PRKCH: variants seen among roughly 807,000 people sequenced by gnomAD.
PRKCH encodes the protein protein kinase C eta.
In PRKCH, 28 loss-of-function variants were observed where a neutral mutation model predicts 82.5. That is an observed-to-expected ratio of 0.34 (90% confidence interval 0.25 to 0.47). The LOEUF is 0.47. Among genes scored for constraint, PRKCH ranks in the 20% least tolerant of loss-of-function variants. PRKCH has a pLI of 1.00. For missense variants in PRKCH, 705 were observed against 881.8 expected (o/e 0.80, Z 2.54); for synonymous variants, 322 against 327.4 (o/e 0.98, Z 0.18).
At chr14:61,454,083 T>A (rs1218945077) in intron 7 of PRKCH, among the ~76,000 whole-genome samples, 3 of 140,196 alleles carry the variant, frequency 2.1e-5, no homozygotes, top group Non-Finnish European at 4.4e-5. Context: ...TTTTTTCCTT[T>A]CTTTCCTTTT....
rs146233197 is a variant in PRKCH at position 61,226,655 on chromosome 14, A to G, written c.-19+38987A>G. ...TTATGTGGTTTCCACAAAGCATTGT[A>G]TTTGGCAGTGGTTGGGAGACAATGG... is the stretch of plus-strand genomic sequence containing the variant. On this transcript the variant is annotated intron_variant, in intron 1 of 3. Transcript: ENST00000555185. Among the ~76,000 whole-genome samples the G allele has an allele frequency of 2.0e-5, 3 of 152,332 alleles. No homozygotes were observed. The East Asian group carries it at 5.8e-4, about 29-fold the overall frequency.
chr14:61,452,984 A>C (rs2296275), intron 6 of PRKCH: 11,585 of 513,252 alleles, frequency 0.023, 768 homozygotes, highest in East Asian at 0.22. Flanking sequence ...ATCATGGTGG[A>C]AAAAATGTAT....
intron 1 of PRKCH, among the ~76,000 whole-genome samples, chr14:61,197,632 A>C (rs956076400): frequency 6.6e-6 from 1 of 152,210 alleles, no homozygotes; most frequent in African/African-American, 2.4e-5. Flanking sequence ...TCATCCATGA[A>C]TGAATTAATC....
Position 61,453,370 on chromosome 14 carries a change from T to C in PRKCH, c.960+17T>C, listed in dbSNP as rs945906590. ...CCAACCTCGGTGAGACTTTGCTTTT[T>C]TTCCATGTCTCGTAATTTAGAAGTT... On this transcript the variant is annotated intron_variant, in intron 7 of 13. Transcript: ENST00000332981. The C allele has an allele frequency of 1.9e-6, 3 of 1,608,772 alleles. No individual in the cohort carries two copies. Among genetic ancestry groups the C allele is most frequent in the Non-Finnish European group, 2.5e-6 (3 of 1,176,650 alleles).
chr14:61,370,683 G>A (rs2046354432), intron 1 of PRKCH, among the ~76,000 whole-genome samples: 1 of 152,080 alleles, frequency 6.6e-6, no homozygotes, highest in Admixed American at 6.5e-5. Context: ...ATGTTCATTG[G>A]AAGTAGTTTG....
chr14:61,479,169 G>A (rs1227577832), intron 9 of PRKCH, among the ~76,000 whole-genome samples: 7 of 152,024 alleles, frequency 4.6e-5, no homozygotes, highest in South Asian at 2.1e-4. Flanking sequence ...CCACCCACCT[G>A]TCCATCCACC....
chr14:61,367,802 C>T (rs2046316508), intron 1 of PRKCH, among the ~76,000 whole-genome samples: 1 of 151,220 alleles, frequency 6.6e-6, no homozygotes, highest in South Asian at 2.1e-4. Flanking sequence ...GCAAGCTCCG[C>T]CTCCCAGGTT....
intron 1 of PRKCH, among the ~76,000 whole-genome samples, chr14:61,355,573 A>C (rs1343342385): frequency 6.6e-6 from 1 of 152,126 alleles, no homozygotes; most frequent in Non-Finnish European, 1.5e-5. Context: ...TATTTTAAGT[A>C]ATTTGACCAA....
intron 2 of PRKCH, among the ~76,000 whole-genome samples, chr14:61,402,845 T>A (rs1214566376): frequency 6.6e-6 from 1 of 150,988 alleles, no homozygotes; most frequent in Non-Finnish European, 1.5e-5. Flanking sequence ...TGTCTTTTTT[T>A]TTAATTAATT....
At chr14:61,345,874 C>CT (rs10596430) in intron 1 of PRKCH, among the ~76,000 whole-genome samples, 21 of 74,998 alleles carry the variant, frequency 2.8e-4, no homozygotes, top group East Asian at 1.8e-3. Context: ...CCCTGTCTCT[C>CT]TTTTTTTTTT....
intron 1 of PRKCH, among the ~76,000 whole-genome samples, chr14:61,337,219 C>T (rs1352169915): frequency 6.8e-6 from 1 of 147,072 alleles, no homozygotes; most frequent in African/African-American, 2.6e-5. Context: ...ACATGACTCA[C>T]TGCAGTCTCA....
At chr14:61,215,275 G>T (rs574974870) in intron 1 of PRKCH, among the ~76,000 whole-genome samples, 1 of 152,248 alleles carries the variant, frequency 6.6e-6, no homozygotes, top group South Asian at 2.1e-4. Context: ...ATGTAGGTGG[G>T]TCTGGGTCAC....
intron 1 of PRKCH, among the ~76,000 whole-genome samples, chr14:61,365,662 G>A (rs2046288838): frequency 6.6e-6 from 1 of 151,870 alleles, no homozygotes; most frequent in Non-Finnish European, 1.5e-5. Context: ...TGTCTTCCAA[G>A]GTGAGAAAAA....
At chr14:61,210,477 G>A (rs1296395100) in intron 1 of PRKCH, among the ~76,000 whole-genome samples, 1 of 151,856 alleles carries the variant, frequency 6.6e-6, no homozygotes, top group Admixed American at 6.6e-5. Flanking sequence ...AATTACCTGG[G>A]GCCCTGGTGT....
At chr14:61,462,254 G>A (rs780465994) in intron 9 of PRKCH, among the ~76,000 whole-genome samples, 1 of 152,150 alleles carries the variant, frequency 6.6e-6, no homozygotes, top group African/African-American at 2.4e-5. Context: ...GCTTGGTGTG[G>A]TGGTGCATGC....
chr14:61,268,018 A>G (rs1394496983), intron 1 of PRKCH, among the ~76,000 whole-genome samples: 3 of 152,200 alleles, frequency 2.0e-5, no homozygotes, highest in Non-Finnish European at 4.4e-5. Flanking sequence ...TATTTTTGCT[A>G]AGATTTTCCT....
At chr14:61,517,465 T>C (rs2042845242) in intron 10 of PRKCH, among the ~76,000 whole-genome samples, 2 of 152,194 alleles carry the variant, frequency 1.3e-5, no homozygotes, top group Admixed American at 1.3e-4. Flanking sequence ...CCAGGATGGG[T>C]AGACAGGCTA....
chr14:61,484,136 G>A (rs183414705), intron 9 of PRKCH, among the ~76,000 whole-genome samples: 20 of 152,090 alleles, frequency 1.3e-4, no homozygotes, highest in African/African-American at 3.6e-4. Context: ...ATGGTATCAC[G>A]GGGTCCCAAG....
chr14:61,285,503 T>C (rs2045307473), intron 1 of PRKCH, among the ~76,000 whole-genome samples: 1 of 152,222 alleles, frequency 6.6e-6, no homozygotes, highest in Non-Finnish European at 1.5e-5. Flanking sequence ...AAATGATTGT[T>C]AGTGTGTCTT....
Sources: allele counts gnomAD v4.1 joint callset (sites outside exome capture counted in the v4.1 genomes callset), GRCh38; gene constraint gnomAD v4.1.1; transcripts MANE v1.5; gene names NCBI Gene and HGNC (gene_info 2026-07-23, HGNC 2026-07-21).